The following XXYLT1 variants were observed in gnomAD, a reference collection of about 807,000 sequenced individuals.
XXYLT1 encodes the protein xyloside xylosyltransferase 1, also known as UDP-xylose:alpha-xyloside alpha-1,3-xylosyltransferase.
Under a neutral mutation model 28.9 loss-of-function variants are expected in XXYLT1, and 20 were observed. That is an observed-to-expected ratio of 0.69 (90% CI 0.49 to 1.00). XXYLT1 has a LOEUF of 1.00. Ranked by LOEUF, XXYLT1 falls within the 50% of genes least tolerant of loss-of-function variation. XXYLT1 has a pLI of 0.00. For missense variants in XXYLT1, 542 were observed against 560.1 expected (o/e 0.97, Z 0.33); for synonymous variants, 257 against 253.8 (o/e 1.01, Z -0.12).
chr3:195,224,327 G>A (rs922720005), intron 2 of XXYLT1, among the ~76,000 whole-genome samples: 1 of 152,144 alleles, frequency 6.6e-6, no homozygotes, highest in Non-Finnish European at 1.5e-5. Flanking sequence ...CCAATGATGC[G>A]TCCATTTACT....
In XXYLT1 at chr3:195,176,883, C is replaced by A. The variant is rs931211900; in HGVS notation, c.653-20302G>T. On this transcript the variant is annotated intron_variant, in intron 2 of 3. Coordinates refer to ENST00000310380, the MANE Select transcript of XXYLT1 (RefSeq NM_152531.5). The surrounding 1 kb of genome is among the most constrained non-coding windows in gnomAD (Gnocchi z 4.9). ...AGGTGATCTGAGAGGTAGGACAAGG[C>A]CGACTCCTTGGAACCAGCAAGAAAC... 6.6e-6 allele frequency among the ~76,000 whole-genome samples: 1 copy of A among 152,224 alleles called. No individual in the cohort carries two copies. Among genetic ancestry groups the A allele is most frequent in the East Asian group, 1.9e-4 (1 of 5,202 alleles).
At chr3:195,072,434 G>A (rs556301248) in intron 3 of XXYLT1, among the ~76,000 whole-genome samples, 1 of 152,294 alleles carries the variant, frequency 6.6e-6, no homozygotes, top group Admixed American at 6.5e-5. Context: ...TCTGCAGCAA[G>A]GAGGAGCAAA....
intron 3 of XXYLT1, among the ~76,000 whole-genome samples, chr3:195,143,209 C>T (rs1719582928): frequency 1.3e-5 from 2 of 152,134 alleles, no homozygotes; most frequent in Admixed American, 1.3e-4. Flanking sequence ...AGTTGGAGTG[C>T]CCCTAAACAA....
intron 3 of XXYLT1, among the ~76,000 whole-genome samples, chr3:195,096,895 A>G (rs1250236017): frequency 6.6e-6 from 1 of 152,190 alleles, no homozygotes; most frequent in Non-Finnish European, 1.5e-5. Context: ...GAATGTGACT[A>G]CCTTTTGCTG....
At position 195,142,706 on chromosome 3, in the gene XXYLT1, G is replaced by A. The variant is rs112984981; in HGVS notation, c.785+13743C>T. Among the ~76,000 whole-genome samples, 969 of 152,346 alleles carry A rather than the reference G, an allele frequency of 6.4e-3. 6 individuals are homozygous for A. Among genetic ancestry groups the A allele is most frequent in the Non-Finnish European group, 8.4e-3 (569 of 68,040 alleles). ...CAATGGCACCGCCGAGCAGGCAGCC[G>A]GGGCTGGGGCTGGGGTGCGTATGCA... On this transcript the variant is annotated intron_variant, in intron 3 of 3. Transcript: ENST00000310380.
chr3:195,223,639 G>C lies in XXYLT1; in HGVS notation c.652+3070C>G, dbSNP rs147952214. Among the ~76,000 whole-genome samples, 268 of 152,194 alleles carry C rather than the reference G, an allele frequency of 1.8e-3. 1 individual carries two copies. Among genetic ancestry groups the C allele is most frequent in the African/African-American group, 5.8e-3 (240 of 41,518 alleles). ...AATCATGACAAACTCAAGACAGCAC[G>C]AATGATGTCTGAAAACAGAGTGTCC... On this transcript the variant is annotated intron_variant, in intron 2 of 3. Coordinates refer to ENST00000310380, the MANE Select transcript of XXYLT1 (RefSeq NM_152531.5).
At position 195,232,647 on chromosome 3, in the gene XXYLT1, A is replaced by G. The variant is rs117638287; in HGVS notation, c.505-5791T>C. On this transcript the variant is annotated intron_variant, in intron 1 of 3. Coordinates refer to ENST00000310380, the MANE Select transcript of XXYLT1 (RefSeq NM_152531.5). ...TAACCTCTTCATTGACCAACTGGTC[A>G]TTCAGAGGCATATTGTTCAGTTTCC... Among the ~76,000 whole-genome samples, 67 of 152,342 alleles carry G rather than the reference A, an allele frequency of 4.4e-4. No homozygotes were observed. The East Asian group carries it at 0.012, about 28-fold the overall frequency.
At position 195,155,376 on chromosome 3, in the gene XXYLT1, A is replaced by G. The variant is rs922099980; in HGVS notation, c.785+1073T>C. Among the ~76,000 whole-genome samples, 7 of 152,284 alleles carry G rather than the reference A, an allele frequency of 4.6e-5. No individual in the cohort carries two copies. The South Asian group carries it at 1.5e-3, about 32-fold the overall frequency. ...AAAGAGCGGGGCATGCCTGCGGGAC[A>G]GCAAAATCCCAGCCCTTTCCGAACA... On this transcript the variant is annotated intron_variant, in intron 3 of 3. Transcript: ENST00000310380.
intron 3 of XXYLT1, among the ~76,000 whole-genome samples, chr3:195,102,131 T>A (rs1463472116): frequency 6.6e-6 from 1 of 151,698 alleles, no homozygotes; most frequent in East Asian, 1.9e-4. Flanking sequence ...TATATCTGAG[T>A]CTATGTTTTC....
At chr3:195,122,171 T>G (rs1718393841) in intron 3 of XXYLT1, 1 of 702,850 alleles carries the variant, frequency 1.4e-6, no homozygotes, top group African/African-American at 1.7e-5. Flanking sequence ...GTCTCTTTCA[T>G]CAGGACACTC....
chr3:195,082,226 C>T (rs768277514), intron 3 of XXYLT1, among the ~76,000 whole-genome samples: 2 of 152,324 alleles, frequency 1.3e-5, no homozygotes, highest in African/African-American at 4.8e-5. Flanking sequence ...AAGGCAACCA[C>T]TATGCTTATT....
chr3:195,223,482 A>G (rs1723917984), intron 2 of XXYLT1, among the ~76,000 whole-genome samples: 1 of 152,228 alleles, frequency 6.6e-6, no homozygotes, highest in Non-Finnish European at 1.5e-5. Context: ...AACGAATGCT[A>G]TGAAAGAAAC....
intron 1 of XXYLT1, among the ~76,000 whole-genome samples, chr3:195,258,247 T>C (rs999331): frequency 0.14 from 21,311 of 152,024 alleles, 3,290 homozygotes; most frequent in African/African-American, 0.38. Context: ...CTCAGGGGGA[T>C]AGTGTGGCAG....
Position 195,256,473 on chromosome 3 carries a change from G to A in XXYLT1, c.504+14082C>T. 2.0e-6 allele frequency: 2 copies of A among 985,256 alleles called. No individual in the cohort carries two copies. The highest frequency in any genetic ancestry group is 2.4e-6 in the Non-Finnish European group (2 of 829,814). 61.0% of individuals were successfully genotyped at this position (985,256 alleles called of 1,614,324 possible). A position where few individuals can be genotyped will look rare whatever the true frequency, so the allele number is the denominator to read the frequency against. ...GAGAAACGAACCAGTACCTCCCAGA[G>A]GACGGAAGGGAAGTCAGCACGGAAG... On this transcript the variant is annotated intron_variant, in intron 1 of 3. Transcript: ENST00000310380. The surrounding 1 kb of genome is among the most constrained non-coding windows in gnomAD (Gnocchi z 4.2).
Position 195,077,497 on chromosome 3 carries a change from G to A in XXYLT1, c.786-7386C>T, listed in dbSNP as rs1009787345. ...TCCCTGCCCAGGCTTAGGTTGTGGC[G>A]GCTCCTCAGCGATCAGCCCTCGTCC... On this transcript the variant is annotated intron_variant, in intron 3 of 3. Coordinates refer to ENST00000310380, the MANE Select transcript of XXYLT1 (RefSeq NM_152531.5). This position sits in a 1 kb window ranked among gnomAD's most constrained non-coding sequence, Gnocchi z 4.8. Among the ~76,000 whole-genome samples the A allele has an allele frequency of 1.4e-4, 21 of 152,156 alleles. No homozygotes were observed. The highest frequency in any genetic ancestry group is 5.1e-4 in the African/African-American group (21 of 41,446).
In XXYLT1 at chr3:195,077,427, C is replaced by T. The variant is rs1715184669; in HGVS notation, c.786-7316G>A. 6.6e-6 allele frequency among the ~76,000 whole-genome samples: 1 copy of T among 152,202 alleles called. No homozygotes were observed. The highest frequency in any genetic ancestry group is 2.1e-4 in the South Asian group (1 of 4,836). ...GCCCTGAGGAGCAGCCCTGCCTGTC[C>T]CTGTAGGTGCTCAGCCTCTGCAGAG... On this transcript the variant is annotated intron_variant, in intron 3 of 3. Coordinates refer to ENST00000310380, the MANE Select transcript of XXYLT1 (RefSeq NM_152531.5). The surrounding 1 kb of genome is among the most constrained non-coding windows in gnomAD (Gnocchi z 4.8).
intron 3 of XXYLT1, among the ~76,000 whole-genome samples, chr3:195,119,814 C>T (rs1381708984): frequency 3.3e-5 from 5 of 152,034 alleles, no homozygotes; most frequent in African/African-American, 1.2e-4. Flanking sequence ...CTCAAAGGTC[C>T]TAAGATCACA....
chr3:195,097,230 G>A (rs1716497570), intron 3 of XXYLT1, among the ~76,000 whole-genome samples: 1 of 152,212 alleles, frequency 6.6e-6, no homozygotes, highest in South Asian at 2.1e-4. Context: ...AGTTGGTTTT[G>A]ACATAAGAAT....
intron 1 of XXYLT1, among the ~76,000 whole-genome samples, chr3:195,245,160 T>A (rs1384076799): frequency 5.2e-4 from 59 of 114,352 alleles, no homozygotes; most frequent in East Asian, 3.5e-3. Context: ...CCCAAGAAAA[T>A]TTTTTTTTTT....
Sources: gnomAD v4.1 joint callset for allele counts (sites outside exome capture counted in the v4.1 genomes callset) on GRCh38, gnomAD v4.1.1 for gene constraint, Gnocchi (gnomAD v3.1) non-coding constraint, MANE v1.5 for transcripts, NCBI Gene and HGNC (gene_info 2026-07-23, HGNC 2026-07-21) for gene names.